SH3RF3: variants seen among roughly 807,000 people sequenced by gnomAD.
SH3RF3 encodes the protein E3 ubiquitin-protein ligase SH3RF3.
A neutral mutation model predicts 66.3 loss-of-function variants in SH3RF3; 29 were observed. The ratio of observed to expected loss-of-function variants is 0.44; its 90% CI spans 0.33 to 0.60. The LOEUF is 0.60. SH3RF3 is among the 20% of genes least tolerant of loss of function. The pLI, the probability that SH3RF3 is intolerant of heterozygous loss-of-function variation, is 0.04. For missense variants in SH3RF3, 1,194 were observed against 1,190.9 expected (o/e 1.00, Z -0.04); for synonymous variants, 583 against 532.0 (o/e 1.10, Z -1.32).
intron 8 of SH3RF3, among the ~76,000 whole-genome samples, chr2:109,484,062 C>A (rs1473123022): frequency 8.4e-6 from 1 of 119,740 alleles, no homozygotes; most frequent in Non-Finnish European, 1.8e-5. Context: ...CATCCTCTGG[C>A]CTTTCTTTTT....
chr2:109,161,426 G>C (rs1292360428), intron 1 of SH3RF3, among the ~76,000 whole-genome samples: 2 of 151,374 alleles, frequency 1.3e-5, no homozygotes, highest in African/African-American at 2.5e-5. Flanking sequence ...GTGGGAATGT[G>C]ATGCTTCCTG....
chr2:109,452,876 A>G (rs1403617774), intron 8 of SH3RF3, among the ~76,000 whole-genome samples: 15 of 99,778 alleles, frequency 1.5e-4, no homozygotes, highest in Non-Finnish European at 2.4e-4. Flanking sequence ...GGCTGGTGCC[A>G]GGAGGCTGGT....
chr2:109,424,703 G>A (rs1676983274), intron 5 of SH3RF3, among the ~76,000 whole-genome samples: 1 of 152,166 alleles, frequency 6.6e-6, no homozygotes, highest in South Asian at 2.1e-4. Flanking sequence ...ACATAAGACA[G>A]CGAACTTACT....
At chr2:109,283,001 A>G (rs1027376262) in intron 1 of SH3RF3, among the ~76,000 whole-genome samples, 1 of 152,164 alleles carries the variant, frequency 6.6e-6, no homozygotes, top group African/African-American at 2.4e-5. Context: ...GGAAGGGGTG[A>G]CTGCTTGGCA....
intron 4 of SH3RF3, among the ~76,000 whole-genome samples, chr2:109,403,205 A>G (rs1676361544): frequency 6.6e-6 from 1 of 152,214 alleles, no homozygotes. Flanking sequence ...GCCTGGGAGC[A>G]CAGCCTGAGA....
chr2:109,459,975 C>T (rs888637582), intron 8 of SH3RF3, among the ~76,000 whole-genome samples: 3 of 152,184 alleles, frequency 2.0e-5, no homozygotes, highest in African/African-American at 4.8e-5. Context: ...AGAATATTGT[C>T]CCAGCCCTGC....
At chr2:109,176,385 C>CA (rs1253329795) in intron 1 of SH3RF3, among the ~76,000 whole-genome samples, 1 of 152,152 alleles carries the variant, frequency 6.6e-6, no homozygotes, top group Non-Finnish European at 1.5e-5. Context: ...ACACCATGTG[C>CA]AATGGAATGC....
At chr2:109,458,380 C>A (rs1039148288) in intron 8 of SH3RF3, among the ~76,000 whole-genome samples, 9 of 152,158 alleles carry the variant, frequency 5.9e-5, no homozygotes, top group African/African-American at 2.2e-4. Flanking sequence ...AGATTTATGG[C>A]TTCATCACCT....
intron 5 of SH3RF3, among the ~76,000 whole-genome samples, chr2:109,424,436 C>T (rs1676976419): frequency 6.6e-6 from 1 of 152,116 alleles, no homozygotes; most frequent in Non-Finnish European, 1.5e-5. Flanking sequence ...AGGCAAACCT[C>T]ATTTCATCGC....
intron 3 of SH3RF3, among the ~76,000 whole-genome samples, chr2:109,373,861 G>C (rs958773640): frequency 6.6e-6 from 1 of 152,134 alleles, no homozygotes; most frequent in African/African-American, 2.4e-5. Context: ...GGCTGCGTTG[G>C]GCCCCTCAGC....
chr2:109,428,294 G>A (rs1677092076), intron 5 of SH3RF3, among the ~76,000 whole-genome samples: 1 of 152,274 alleles, frequency 6.6e-6, no homozygotes, highest in Non-Finnish European at 1.5e-5. Flanking sequence ...AAATACTTTG[G>A]TTTACTCTGA....
Position 109,144,535 on chromosome 2 carries a change from G to A in SH3RF3, c.573+14422G>A, listed in dbSNP as rs113529638. 7.0e-3 allele frequency among the ~76,000 whole-genome samples: 1,070 copies of A among 152,340 alleles called. 15 individuals carry two copies. Among genetic ancestry groups the A allele is most frequent in the African/African-American group, 0.025 (1,038 of 41,576 alleles). On this transcript the variant is annotated intron_variant, in intron 1 of 9. Coordinates refer to ENST00000309415, the MANE Select transcript of SH3RF3 (RefSeq NM_001099289.3). ...TATGAGGGAAGAGTTTGAACGAGGT[G>A]AATATGAGGAACAGGGCAATTTTAT...
intron 1 of SH3RF3, among the ~76,000 whole-genome samples, chr2:109,246,429 G>A (rs796788809): frequency 9.2e-5 from 14 of 152,244 alleles, no homozygotes; most frequent in African/African-American, 3.1e-4. Context: ...CCACCCTCAC[G>A]ATCCGGTCAC....
intron 7 of SH3RF3, among the ~76,000 whole-genome samples, chr2:109,440,815 T>G (rs114782855): frequency 3.4e-4 from 52 of 152,192 alleles, no homozygotes; most frequent in African/African-American, 1.2e-3. Context: ...GATCTTCAGG[T>G]GACAACTCAT....
chr2:109,330,368 CTT>C (rs1682256248), intron 1 of SH3RF3, among the ~76,000 whole-genome samples: 2 of 150,704 alleles, frequency 1.3e-5, no homozygotes, highest in South Asian at 4.2e-4. Context: ...TTTTTTTTTT[CTT>C]GTCTTGGCAT....
At chr2:109,202,143 G>A (rs555992332) in intron 1 of SH3RF3, among the ~76,000 whole-genome samples, 1 of 152,246 alleles carries the variant, frequency 6.6e-6, no homozygotes, top group African/African-American at 2.4e-5. Flanking sequence ...GCATATGGAC[G>A]CACTTACAGC....
At chr2:109,486,691 C>G (rs1368986521) in intron 8 of SH3RF3, among the ~76,000 whole-genome samples, 2 of 152,088 alleles carry the variant, frequency 1.3e-5, no homozygotes. Context: ...GCAGAGTTTG[C>G]ACCCAGCAGT....
intron 2 of SH3RF3, 27 bp from the exon 3 acceptor site, chr2:109,371,559 G>T (rs774082464): frequency 6.9e-6 from 11 of 1,602,356 alleles, no homozygotes; most frequent in African/African-American, 2.7e-5. Context: ...CCGTATGCTT[G>T]TGTCCACGGT....
chr2:109,212,831 G>T (rs1245846157), intron 1 of SH3RF3, among the ~76,000 whole-genome samples: 1 of 152,234 alleles, frequency 6.6e-6, no homozygotes, highest in African/African-American at 2.4e-5. Flanking sequence ...GTGAGCTGGT[G>T]TGGGGTAGGT....
Sources: allele counts gnomAD v4.1 joint callset (sites outside exome capture counted in the v4.1 genomes callset), GRCh38; gene constraint gnomAD v4.1.1; transcripts MANE v1.5; gene names NCBI Gene and HGNC (gene_info 2026-07-23, HGNC 2026-07-21).